Variants in LMNA observed in about 807,000 individuals in gnomAD.
LMNA encodes the protein lamin.
LMNA carries 20 observed loss-of-function variants against 70.4 expected under a neutral mutation model. The observed-to-expected ratio is 0.28, with a 90% CI of 0.20 to 0.41. The LOEUF (loss-of-function observed/expected upper bound fraction) is 0.41. LMNA is among the 10% of genes least tolerant of loss of function. LMNA has a pLI of 1.00. For synonymous variants in LMNA, 339 were observed against 372.8 expected (o/e 0.91, Z 1.04); for missense variants, 652 against 917.2 (o/e 0.71, Z 3.73).
At chr1:156,082,948 A>C (rs1338094380) in exon 2 of LMNA, 1 of 151,814 alleles carries the variant, frequency 6.6e-6, no homozygotes, top group Admixed American at 6.6e-5. Context: ...GCTCTCCCAG[A>C]GTCGATCCCG....
At chr1:156,090,507 G>A (rs747701288) in exon 3 of LMNA, 8 of 152,220 alleles carry the variant, frequency 5.3e-5, no homozygotes, top group Non-Finnish European at 8.8e-5. Context: ...TGTGAAGATG[G>A]ACTTGGTGTC....
chr1:156,112,322 G>A (rs771654376), upstream of LMNA, among the ~76,000 whole-genome samples: 7 of 152,112 alleles, frequency 4.6e-5, no homozygotes, highest in Non-Finnish European at 8.8e-5. Flanking sequence ...GGAATTCAAG[G>A]TTGCAGTGAG....
chr1:156,089,019 C>G (rs1648591389), intron 2 of LMNA, among the ~76,000 whole-genome samples: 1 of 152,108 alleles, frequency 6.6e-6, no homozygotes, highest in Admixed American at 6.6e-5. Flanking sequence ...GCTCTGTCGT[C>G]CAGGCTATAA....
chr1:156,085,401 C>T (rs987959874), intron 2 of LMNA, among the ~76,000 whole-genome samples: 3 of 152,170 alleles, frequency 2.0e-5, no homozygotes, highest in African/African-American at 7.2e-5. Context: ...CCCTGCTTGC[C>T]TGATCCAGAA....
chr1:156,113,143 A>G (rs1649600180), upstream of LMNA, among the ~76,000 whole-genome samples: 1 of 151,948 alleles, frequency 6.6e-6, no homozygotes, highest in South Asian at 2.1e-4. Flanking sequence ...AAAAATAAAA[A>G]TAAAAAAAAA....
intron 3 of LMNA, among the ~76,000 whole-genome samples, chr1:156,093,534 G>A (rs1343635333): frequency 1.3e-5 from 2 of 151,756 alleles, no homozygotes; most frequent in African/African-American, 4.8e-5. Flanking sequence ...TCAAACTCCT[G>A]AACTCAAGTG....
In LMNA at chr1:156,115,157, C is replaced by T. The variant is rs771893681; in HGVS notation, c.239C>T (p.Ala80Val). ...VSREVSGIKAAYEAELGDARK... is the reference protein window; with the variant it reads ...VSREVSGIKAVYEAELGDARK... ...CGCGAGGTGTCCGGCATCAAGGCCG[C>T]CTACGAGGCCGAGCTCGGGGATGCC... Residue 80 changes from alanine to valine, a missense_variant, in exon 1 of 12, where the codon GCC (alanine) becomes GTC (valine). By Grantham distance (64) the Ala-to-Val change is moderately conservative. Coordinates refer to ENST00000368300, the MANE Select transcript of LMNA (RefSeq NM_170707.4). This position sits in a 1 kb window ranked among gnomAD's most constrained non-coding sequence, Gnocchi z 5.8. 1.9e-6 allele frequency: 3 copies of T among 1,611,806 alleles called. No homozygotes were observed. Among genetic ancestry groups the T allele is most frequent in the South Asian group, 2.2e-5 (2 of 90,622 alleles).
At position 156,137,614 on chromosome 1, in the gene LMNA, C is replaced by G. The variant is rs576815629; in HGVS notation, c.1609-40C>G. 5 of 1,533,912 alleles carry G rather than the reference C, an allele frequency of 3.3e-6. No homozygotes were observed. The highest frequency in any genetic ancestry group is 3.5e-6 in the Non-Finnish European group (4 of 1,131,830). On this transcript the variant is annotated intron_variant, in intron 9 of 11. Transcript: ENST00000368300. The surrounding 1 kb of genome is among the most constrained non-coding windows in gnomAD (Gnocchi z 4.6). ...GGTAGACATGCTGTACAACCCTTCC[C>G]TGGCCCTGACCCTTGGACCTGGTTC...
intron 2 of LMNA, among the ~76,000 whole-genome samples, chr1:156,084,965 G>A (rs953698305): frequency 2.0e-5 from 3 of 152,224 alleles, no homozygotes; most frequent in Non-Finnish European, 4.4e-5. Context: ...TGCTGAATGG[G>A]GAAGGGGCTG....
At chr1:156,092,666 C>G (rs955222270) in intron 3 of LMNA, among the ~76,000 whole-genome samples, 4 of 147,216 alleles carry the variant, frequency 2.7e-5, no homozygotes, top group African/African-American at 7.5e-5. Context: ...GACAACAGAG[C>G]GAGACTCCAT....
chr1:156,136,735 C>G lies in LMNA; in HGVS notation c.1381-186C>G. ...GATGAAAGATAAGGTATCCGTGTGC[C>G]TGGTGCTGCGTATGTGTCCACAGAT... On this transcript the variant is annotated intron_variant, in intron 7 of 11. Coordinates refer to ENST00000368300, the MANE Select transcript of LMNA (RefSeq NM_170707.4). This position sits in a 1 kb window ranked among gnomAD's most constrained non-coding sequence, Gnocchi z 6.1. 1.4e-6 allele frequency: 1 copy of G among 698,088 alleles called. No homozygotes were observed. The highest frequency in any genetic ancestry group is 1.5e-5 in the South Asian group (1 of 64,944). The allele number at this position is 698,088 out of a possible 1,614,324, so 43.2% of individuals were successfully genotyped here. A position where few individuals can be genotyped will look rare whatever the true frequency, so the allele number is the denominator to read the frequency against.
chr1:156,130,569 G>A, intron 1 of LMNA, 48 bp from the exon 2 acceptor site: 4 of 1,603,208 alleles, frequency 2.5e-6, no homozygotes, highest in African/African-American at 1.3e-5. Flanking sequence ...GCACTGTCTA[G>A]GCACACAGAC....
At chr1:156,087,348 G>C (rs1648519629) in intron 2 of LMNA, among the ~76,000 whole-genome samples, 1 of 150,054 alleles carries the variant, frequency 6.7e-6, no homozygotes, top group Admixed American at 6.7e-5. Flanking sequence ...GGTTCAAGCA[G>C]TTCTCTGCCT....
Position 156,137,823 on chromosome 1 carries a change from C to T in LMNA, c.1698+80C>T. 2 of 1,541,936 alleles carry T rather than the reference C, an allele frequency of 1.3e-6. No homozygotes were observed. Among genetic ancestry groups the T allele is most frequent in the South Asian group, 2.4e-5 (2 of 83,836 alleles). On this transcript the variant is annotated intron_variant, in intron 10 of 11. Transcript: ENST00000368300. The surrounding 1 kb of genome is among the most constrained non-coding windows in gnomAD (Gnocchi z 4.6). ...CTGGGGGCAGCCTCTCCCCAGCCTCCCCGTGCCAAAAATCTTTTCATTAAA... is the reference window on the plus strand; with the variant it reads ...CTGGGGGCAGCCTCTCCCCAGCCTCTCCGTGCCAAAAATCTTTTCATTAAA...
intron 2 of LMNA, among the ~76,000 whole-genome samples, chr1:156,132,327 A>G (rs1178235373): frequency 6.6e-6 from 1 of 151,774 alleles, no homozygotes; most frequent in Non-Finnish European, 1.5e-5. Flanking sequence ...AAAATTAGCT[A>G]GGCATGGTGG....
rs746475627 is a variant in LMNA at position 156,130,643 on chromosome 1, T to G, written c.383T>G (p.Ile128Arg). Residue 128 changes from isoleucine to arginine, a missense_variant, in exon 2 of 12, where the codon ATA (isoleucine) becomes AGA (arginine). By Grantham distance (97) the Ile-to-Arg change is moderately conservative (BLOSUM62 -3). Coordinates refer to ENST00000368300, the MANE Select transcript of LMNA (RefSeq NM_170707.4). ...AATACCAAGAAGGAGGGTGACCTGA[T>G]AGCTGCTCAGGCTCGGCTGAAGGAC... is the stretch of plus-strand genomic sequence containing the variant. ...ARNTKKEGDLIAAQARLKDLE... is the reference protein window; with the variant it reads ...ARNTKKEGDLRAAQARLKDLE... The G allele has an allele frequency of 6.2e-7, 1 of 1,613,944 alleles. No homozygotes were observed. The highest frequency in any genetic ancestry group is 8.5e-7 in the Non-Finnish European group (1 of 1,180,016).
At position 156,134,593 on chromosome 1, in the gene LMNA, G is replaced by A; in HGVS notation, c.639+65G>A. The A allele has an allele frequency of 6.2e-7, 1 of 1,605,844 alleles. No individual in the cohort carries two copies. Among genetic ancestry groups the A allele is most frequent in the Non-Finnish European group, 8.5e-7 (1 of 1,174,960 alleles). On this transcript the variant is annotated intron_variant, in intron 3 of 11. Transcript: ENST00000368300. The surrounding 1 kb of genome is among the most constrained non-coding windows in gnomAD (Gnocchi z 5.3). ...GTGATGACAGACTTGGGCTGGGCTA[G>A]GGGGGACCAGCTGTGTGCAGAGCTC...
chr1:156,107,249 C>T (rs1385290397), intron 3 of LMNA, among the ~76,000 whole-genome samples: 1 of 152,214 alleles, frequency 6.6e-6, no homozygotes, highest in African/African-American at 2.4e-5. Flanking sequence ...GTCGCCCCTC[C>T]AGCCCCGCTG....
In LMNA at chr1:156,138,202, G is replaced by A. The variant is rs1651834794; in HGVS notation, c.1699-286G>A. 14 of 569,034 alleles carry A rather than the reference G, an allele frequency of 2.5e-5. No individual in the cohort carries two copies. The highest frequency in any genetic ancestry group is 1.7e-4 in the South Asian group (8 of 46,624). 35.2% of individuals were successfully genotyped at this position (569,034 alleles called of 1,614,324 possible). ...CCTGCTGCCCTACAAGCTTGCTCCC[G>A]TTCTCTCTTCTTTTCCTCTTAAGCT... On this transcript the variant is annotated intron_variant, in intron 10 of 11. Transcript: ENST00000368300. The surrounding 1 kb of genome is among the most constrained non-coding windows in gnomAD (Gnocchi z 5.5).
Sources: allele counts gnomAD v4.1 joint callset (sites outside exome capture counted in the v4.1 genomes callset), GRCh38; gene constraint gnomAD v4.1.1; non-coding constraint Gnocchi (gnomAD v3.1); transcripts MANE v1.5; gene names NCBI Gene and HGNC (gene_info 2026-07-23, HGNC 2026-07-21).